Variants in TRIB1 observed in about 807,000 individuals in gnomAD.
The protein encoded by TRIB1 is tribbles homolog 1.
A neutral mutation model predicts 27.8 loss-of-function variants in TRIB1; 12 were observed. The ratio of observed to expected loss-of-function variants is 0.43; its 90% CI spans 0.28 to 0.70. The LOEUF is 0.70. Ranked by LOEUF, TRIB1 falls within the 30% of genes least tolerant of loss-of-function variation. The probability of loss-of-function intolerance (pLI) is 0.18; values close to 1 mark genes in which losing one functional copy is unlikely to be tolerated. For missense variants in TRIB1, 475 were observed against 515.8 expected (o/e 0.92, Z 0.77); for synonymous variants, 230 against 224.9 (o/e 1.02, Z -0.20).
At chr8:125,434,131 C>T (rs542771614) in intron 2 of TRIB1, among the ~76,000 whole-genome samples, 1 of 152,136 alleles carries the variant, frequency 6.6e-6, no homozygotes, top group South Asian at 2.1e-4. Flanking sequence ...TTTTAGACAG[C>T]TTGTTTGGAT....
chr8:125,437,456 C>T lies in TRIB1; in HGVS notation c.*985C>T, dbSNP rs1423472009. The T allele has an allele frequency of 1.3e-5, 2 of 152,320 alleles. No homozygotes were observed. The highest frequency in any genetic ancestry group is 2.4e-5 in the African/African-American group (1 of 41,432). 9.4% of individuals were successfully genotyped at this position (152,320 alleles called of 1,614,324 possible). The stretch of plus-strand genomic sequence containing the variant: ...GTGAATTTTGGATAGTCTTGTGATT[C>T]TCAGACTAACTTCCAGAATTATACT... On this transcript the variant is annotated 3_prime_UTR_variant, in exon 3 of 3. Transcript: ENST00000311922.
rs1241825592 is a variant in TRIB1 at position 125,431,614 on chromosome 8, TC to T, written c.360+357del. ...CATTCTCCTCGCTCTCCACCCCCCC[TC>T]CCCCGCCAATGTCCTGGAAGGACGC... On this transcript the variant is annotated intron_variant, in intron 1 of 2. Coordinates refer to ENST00000311922, the MANE Select transcript of TRIB1 (RefSeq NM_025195.4). 6.7e-5 allele frequency among the ~76,000 whole-genome samples: 10 copies of T among 148,298 alleles called. No homozygotes were observed. The East Asian group carries it at 2.1e-3, about 32-fold the overall frequency.
Position 125,431,280 on chromosome 8 carries a change from A to G in TRIB1, c.360+18A>G. ...GCTGCAAGGTAGGCGCTCCCGGGCC[A>G]GGACCCGGCTGGGGTCGGGGGCGCG... On this transcript the variant is annotated intron_variant, in intron 1 of 2. Coordinates refer to ENST00000311922, the MANE Select transcript of TRIB1 (RefSeq NM_025195.4). 1 of 1,254,660 alleles carries G rather than the reference A, an allele frequency of 8.0e-7. No homozygotes were observed. Among genetic ancestry groups the G allele is most frequent in the Non-Finnish European group, 1.0e-6 (1 of 1,000,764 alleles). 77.7% of individuals were successfully genotyped at this position (1,254,660 alleles called of 1,614,324 possible).
Position 125,433,559 on chromosome 8 carries a change from C to G in TRIB1, c.603C>G (p.Ile201Met), listed in dbSNP as rs544694807. Residue 201 changes from isoleucine to methionine, a missense_variant, in exon 2 of 3, where the codon ATC becomes ATG. Transcript: ENST00000311922. The surrounding 1 kb of genome is among the most constrained non-coding windows in gnomAD (Gnocchi z 4.4). ...SAVAHCHQSA[I>M]VLGDLKLRKF... is the part of the protein sequence containing the mutation. Reference sequence around the variant, plus strand: ...TCGCCCACTGCCACCAGTCAGCCATCGTGCTGGGGGACCTGAAGCTTAGGA... The same window carrying G: ...TCGCCCACTGCCACCAGTCAGCCATGGTGCTGGGGGACCTGAAGCTTAGGA... 12 of 1,613,038 alleles carry G rather than the reference C, an allele frequency of 7.4e-6. No individual in the cohort carries two copies. Among genetic ancestry groups the G allele is most frequent in the Non-Finnish European group, 1.0e-5 (12 of 1,179,242 alleles).
Position 125,437,301 on chromosome 8 carries a change from G to C in TRIB1, c.*830G>C, listed in dbSNP as rs1814772474. ...TTTTAAGTTCCTTCCAAATATGTTA[G>C]TACCTACCCTTTACTTTTTCCCCAA... On this transcript the variant is annotated 3_prime_UTR_variant, in exon 3 of 3. Transcript: ENST00000311922. The C allele has an allele frequency of 6.6e-6, 1 of 152,334 alleles. No homozygotes were observed. Among genetic ancestry groups the C allele is most frequent in the Non-Finnish European group, 1.5e-5 (1 of 68,052 alleles). 9.4% of individuals were successfully genotyped at this position (152,334 alleles called of 1,614,324 possible).
At position 125,431,096 on chromosome 8, in the gene TRIB1, C is replaced by T. The variant is rs1216895020; in HGVS notation, c.194C>T (p.Ser65Leu). The T allele has an allele frequency of 2.2e-6, 3 of 1,367,952 alleles. No individual in the cohort carries two copies. The highest frequency in any genetic ancestry group is 1.7e-5 in the South Asian group (1 of 57,314). 84.7% of individuals were successfully genotyped at this position (1,367,952 alleles called of 1,614,324 possible). Reference protein sequence around the residue: ...SPPDYLSPPGSPCSPQPPPAA... With the variant: ...SPPDYLSPPGLPCSPQPPPAA... ...CCGGACTACCTCAGCCCCCCCGGCT[C>T]GCCCTGCAGCCCGCAGCCCCCGCCT... Residue 65 changes from serine (S) to leucine (L), a missense_variant, in exon 1 of 3, where the codon TCG becomes TTG. Transcript: ENST00000311922.
chr8:125,432,969 T>C (rs1814682871), intron 1 of TRIB1: 1 of 223,728 alleles, frequency 4.5e-6, no homozygotes, highest in African/African-American at 2.3e-5. Flanking sequence ...TCAACTAGTG[T>C]GGCCTGCAAA....
In TRIB1 at chr8:125,433,559, C is replaced by T. The variant is rs544694807; in HGVS notation, c.603C>T (p.Ile201=). ...TCGCCCACTGCCACCAGTCAGCCAT[C>T]GTGCTGGGGGACCTGAAGCTTAGGA... ...SAVAHCHQSA[I]VLGDLKLRKF... Residue 201 remains isoleucine (I), a synonymous_variant, in exon 2 of 3, where the codon ATC becomes ATT. Coordinates refer to ENST00000311922, the MANE Select transcript of TRIB1 (RefSeq NM_025195.4). This position sits in a 1 kb window ranked among gnomAD's most constrained non-coding sequence, Gnocchi z 4.4. 9 of 1,613,156 alleles carry T rather than the reference C, an allele frequency of 5.6e-6. No homozygotes were observed. The highest frequency in any genetic ancestry group is 2.2e-5 in the East Asian group (1 of 44,836).
At position 125,430,797 on chromosome 8, in the gene TRIB1, C is replaced by T; in HGVS notation, c.-106C>T. 1 of 1,318,768 alleles carries T rather than the reference C, an allele frequency of 7.6e-7. No homozygotes were observed. Among genetic ancestry groups the T allele is most frequent in the Non-Finnish European group, 9.7e-7 (1 of 1,032,780 alleles). 81.7% of individuals were successfully genotyped at this position (1,318,768 alleles called of 1,614,324 possible). A position where few individuals can be genotyped will look rare whatever the true frequency, so the allele number is the denominator to read the frequency against. The stretch of plus-strand genomic sequence containing the variant: ...CGAGCCAAGACCAGTCTGCAAACTC[C>T]ATCCCGCCGGCTGGAAGAAGTCGCG... On this transcript the variant is annotated 5_prime_UTR_variant, in exon 1 of 3. Transcript: ENST00000311922.
intron 1 of TRIB1, chr8:125,432,267 G>GAAA (rs71295858): frequency 4.0e-3 from 3,746 of 935,910 alleles, no homozygotes; most frequent in South Asian, 4.6e-3. Context: ...TAATAGGGAG[G>GAAA]AAAAAAAAAC....
chr8:125,436,675 A>G lies in TRIB1; in HGVS notation c.*204A>G. 1 of 616,658 alleles carries G rather than the reference A, an allele frequency of 1.6e-6. No homozygotes were observed. The allele number at this position is 616,658 out of a possible 1,614,324, so 38.2% of individuals were successfully genotyped here. On this transcript the variant is annotated 3_prime_UTR_variant, in exon 3 of 3. Transcript: ENST00000311922. ...CATATGCTGTGATTGGCTGCCCTGCAAATTTGTTTCCCTTAAGGAACCCTC... is the reference window on the plus strand; with the variant it reads ...CATATGCTGTGATTGGCTGCCCTGCGAATTTGTTTCCCTTAAGGAACCCTC...
At chr8:125,434,490 T>G (rs1190172976) in intron 2 of TRIB1, among the ~76,000 whole-genome samples, 1 of 152,228 alleles carries the variant, frequency 6.6e-6, no homozygotes, top group Non-Finnish European at 1.5e-5. Flanking sequence ...AGGGTTGAGC[T>G]GTCATAAAGC....
At chr8:125,431,479 C>G (rs1218453654) in intron 1 of TRIB1, among the ~76,000 whole-genome samples, 1 of 152,248 alleles carries the variant, frequency 6.6e-6, no homozygotes, top group Non-Finnish European at 1.5e-5. Flanking sequence ...GTGCAGTGTT[C>G]AGTGGCTTTC....
At position 125,430,763 on chromosome 8, in the gene TRIB1, C is replaced by G. The variant is rs1814639971; in HGVS notation, c.-140C>G. On this transcript the variant is annotated 5_prime_UTR_variant, in exon 1 of 3. Coordinates refer to ENST00000311922, the MANE Select transcript of TRIB1 (RefSeq NM_025195.4). ...GGGGAGTGGCTCCTGCTTTGCCCCTCGTGGGGGCCGAGCCAAGACCAGTCT... is the reference window on the plus strand; with the variant it reads ...GGGGAGTGGCTCCTGCTTTGCCCCTGGTGGGGGCCGAGCCAAGACCAGTCT... 1.7e-6 allele frequency: 2 copies of G among 1,157,140 alleles called. No homozygotes were observed. The highest frequency in any genetic ancestry group is 2.4e-5 in the South Asian group (1 of 41,564). The allele number at this position is 1,157,140 out of a possible 1,614,324, so 71.7% of individuals were successfully genotyped here. A position where few individuals can be genotyped will look rare whatever the true frequency, so the allele number is the denominator to read the frequency against.
rs965024488 is a variant in TRIB1, at chr8:125,431,087, C to T, written c.185C>T (p.Pro62Leu). 1 of 1,389,282 alleles carries T rather than the reference C, an allele frequency of 7.2e-7. No individual in the cohort carries two copies. 86.1% of individuals were successfully genotyped at this position (1,389,282 alleles called of 1,614,324 possible). ...TCCAGCCCCCCGGACTACCTCAGCC[C>T]CCCCGGCTCGCCCTGCAGCCCGCAG... ...ECSSPPDYLS[P>L]PGSPCSPQPP... The change falls in exon 1 of 3, where the codon CCC becomes CTC. Residue 62 changes from proline (P) to leucine (L), a missense_variant. By Grantham distance (98) the Pro-to-Leu change is moderately conservative (BLOSUM62 -3). Transcript: ENST00000311922.
In TRIB1 at chr8:125,433,484, G is replaced by C. The variant is rs1814697471; in HGVS notation, c.528G>C (p.Arg176Ser). ...ACTCCTATGTGCGAAGCCGGAAGAG[G>C]CTGCGGGAAGAGGAAGCCGCCCGGC... ...DMHSYVRSRKRLREEEAARLF... is the reference protein window; with the variant it reads ...DMHSYVRSRKSLREEEAARLF... The change falls in exon 2 of 3, where the codon AGG (arginine) becomes AGC (serine). Residue 176 changes from arginine to serine, a missense_variant. Transcript: ENST00000311922. This position sits in a 1 kb window ranked among gnomAD's most constrained non-coding sequence, Gnocchi z 4.4. The C allele has an allele frequency of 1.2e-6, 2 of 1,614,096 alleles. No homozygotes were observed. Among genetic ancestry groups the C allele is most frequent in the East Asian group, 2.2e-5 (1 of 44,898 alleles).
rs775715767 is a variant in TRIB1 at position 125,436,558 on chromosome 8, C to T, written c.*87C>T. 7.9e-7 allele frequency: 1 copy of T among 1,262,696 alleles called. No individual in the cohort carries two copies. Among genetic ancestry groups the T allele is most frequent in the African/African-American group, 1.5e-5 (1 of 67,206 alleles). 78.2% of individuals were successfully genotyped at this position (1,262,696 alleles called of 1,614,324 possible). ...ACAGGCCCTTTGGCGTGGTACCAAC[C>T]AGATAATGACTGCATCAGGATGAAA... is the stretch of plus-strand genomic sequence containing the variant. On this transcript the variant is annotated 3_prime_UTR_variant, in exon 3 of 3. Transcript: ENST00000311922.
At position 125,430,889 on chromosome 8, in the gene TRIB1, C is replaced by T; in HGVS notation, c.-14C>T. ...GGGACTTAAAAAGCCGGGGCCACCC[C>T]GGCCCAGGACGGGATGCGGGTCGGT... On this transcript the variant is annotated 5_prime_UTR_variant, in exon 1 of 3. Transcript: ENST00000311922. 1.4e-6 allele frequency: 2 copies of T among 1,401,716 alleles called. No homozygotes were observed. The highest frequency in any genetic ancestry group is 1.5e-5 in the South Asian group (1 of 65,526). 86.8% of individuals were successfully genotyped at this position (1,401,716 alleles called of 1,614,324 possible).
rs1814771184 is a variant in TRIB1, at chr8:125,437,226, A to G, written c.*755A>G. ...AACGATTTCAGAACTCTGAGCTCAG[A>G]GAGACTCCAGATTTTAAAAAATAAT... On this transcript the variant is annotated 3_prime_UTR_variant, in exon 3 of 3. Coordinates refer to ENST00000311922, the MANE Select transcript of TRIB1 (RefSeq NM_025195.4). 6.6e-6 allele frequency: 1 copy of G among 152,388 alleles called. No homozygotes were observed. The highest frequency in any genetic ancestry group is 2.1e-4 in the South Asian group (1 of 4,832). The allele number at this position is 152,388 out of a possible 1,614,324, so 9.4% of individuals were successfully genotyped here.
Sources: allele counts gnomAD v4.1 joint callset (sites outside exome capture counted in the v4.1 genomes callset), GRCh38; gene constraint gnomAD v4.1.1; non-coding constraint Gnocchi (gnomAD v3.1); transcripts MANE v1.5; gene names NCBI Gene and HGNC (gene_info 2026-07-23, HGNC 2026-07-21).